The following KIF21A variants were observed in gnomAD, a reference collection of about 807,000 sequenced individuals.
KIF21A encodes the protein kinesin-like protein KIF21A.
KIF21A carries 114 observed loss-of-function variants against 202.9 expected under a neutral mutation model. The ratio of observed to expected loss-of-function variants is 0.56; its 90% CI spans 0.48 to 0.66. The LOEUF (loss-of-function observed/expected upper bound fraction) is 0.66, where lower values mean the gene tolerates loss of function less well. Ranked by LOEUF, KIF21A falls within the 30% of genes least tolerant of loss-of-function variation. KIF21A has a pLI of 0.00. For synonymous variants in KIF21A, 667 were observed against 670.8 expected (o/e 0.99, Z 0.09); for missense variants, 1,677 against 1,994.9 (o/e 0.84, Z 3.04).
At chr12:39,358,407 T>TA in intron 7 of KIF21A, 34 bp from the exon 8 acceptor site, 1 of 1,542,616 alleles carries the variant, frequency 6.5e-7, no homozygotes, top group Non-Finnish European at 9.0e-7. Context: ...GGCTTACACA[T>TA]AAAAGCACCT....
intron 1 of KIF21A, among the ~76,000 whole-genome samples, chr12:39,438,422 T>A (rs905447462): frequency 2.0e-5 from 3 of 152,310 alleles, no homozygotes; most frequent in Admixed American, 6.5e-5. Context: ...ACTCTTAATA[T>A]CTTTAGGTTG....
intron 1 of KIF21A, among the ~76,000 whole-genome samples, chr12:39,437,795 A>G (rs1031546297): frequency 3.3e-5 from 5 of 152,218 alleles, no homozygotes; most frequent in African/African-American, 1.2e-4. Flanking sequence ...ATAGGCACTT[A>G]AAGATTTGTT....
chr12:39,408,010 G>GA (rs539934126), intron 1 of KIF21A, among the ~76,000 whole-genome samples: 11 of 151,330 alleles, frequency 7.3e-5, no homozygotes, highest in African/African-American at 1.5e-4. Context: ...ACAGATAATG[G>GA]AAAAAAAATC....
chr12:39,387,057 T>C (rs1398024134), intron 1 of KIF21A, among the ~76,000 whole-genome samples: 1 of 150,350 alleles, frequency 6.7e-6, no homozygotes, highest in Non-Finnish European at 1.5e-5. Flanking sequence ...AATTTTTAGC[T>C]GGGGAAAAAA....
At chr12:39,316,109 T>A in intron 29 of KIF21A, 139 bp from the exon 30 acceptor site, 2 of 722,172 alleles carry the variant, frequency 2.8e-6, no homozygotes, top group Admixed American at 2.0e-5. Flanking sequence ...GCTTTTCTAC[T>A]TGCACTGGAT....
chr12:39,294,322 T>A lies in KIF21A; in HGVS notation c.*102A>T. On this transcript the variant is annotated 3_prime_UTR_variant, in exon 38 of 38. Coordinates refer to ENST00000361418, the MANE Select transcript of KIF21A (RefSeq NM_001173464.2). The stretch of plus-strand genomic sequence containing the variant: ...GAATTCAGATATATTTTCCAGTTAA[T>A]CCGATTCATACGTTTTGCCTAGTAA... 1 of 820,186 alleles carries A rather than the reference T, an allele frequency of 1.2e-6. No homozygotes were observed. Among genetic ancestry groups the A allele is most frequent in the South Asian group, 1.4e-5 (1 of 70,856 alleles). The allele number at this position is 820,186 out of a possible 1,614,324, so 50.8% of individuals were successfully genotyped here.
At chr12:39,402,602 C>T (rs1279414380) in intron 1 of KIF21A, among the ~76,000 whole-genome samples, 1 of 152,156 alleles carries the variant, frequency 6.6e-6, no homozygotes, top group Non-Finnish European at 1.5e-5. Context: ...CCTTTCTCCT[C>T]TACTTAGAAT....
rs1429201282 is a variant in KIF21A, at chr12:39,311,427, A to G, written c.4086T>C (p.Thr1362=). Residue 1362 remains threonine, a synonymous_variant, in exon 32 of 38, where the codon ACT becomes ACC. Coordinates refer to ENST00000361418, the MANE Select transcript of KIF21A (RefSeq NM_001173464.2). ...CVDSTDDLLF[T]GSKDRTCKVW... is the part of the protein sequence containing the mutation. ...GATAACTACTAGCACCTTTTGATCC[A>G]GTGAAGAGGAGATCATCAGTAGAAT... is the stretch of plus-strand genomic sequence containing the variant. 1 of 1,612,774 alleles carries G rather than the reference A, an allele frequency of 6.2e-7. No homozygotes were observed. The highest frequency in any genetic ancestry group is 1.7e-5 in the Admixed American group (1 of 59,968).
chr12:39,403,112 T>C (rs1952297997), intron 1 of KIF21A, among the ~76,000 whole-genome samples: 1 of 151,804 alleles, frequency 6.6e-6, no homozygotes, highest in African/African-American at 2.4e-5. Context: ...AAAATACACA[T>C]CAAAAACCTT....
intron 1 of KIF21A, among the ~76,000 whole-genome samples, chr12:39,381,371 G>C (rs1196059493): frequency 6.6e-6 from 1 of 150,810 alleles, no homozygotes; most frequent in African/African-American, 2.4e-5. Context: ...TATAATGATA[G>C]TAATACATCC....
At position 39,332,636 on chromosome 12, in the gene KIF21A, C is replaced by A. The variant is rs1421552176; in HGVS notation, c.2811G>T (p.Lys937Asn). The A allele has an allele frequency of 9.3e-6, 15 of 1,614,056 alleles. No homozygotes were observed. Among genetic ancestry groups the A allele is most frequent in the Non-Finnish European group, 1.2e-5 (14 of 1,179,986 alleles). ...ERRVTDIIMQ[K>N]MTISNMEADM... ...CTGCCTCCATGTTGGAAATGGTCAT[C>A]TTCTGCATGATGATGTCTGTGACCC... is the stretch of plus-strand genomic sequence containing the variant. The change falls in exon 20 of 38, where the codon AAG (lysine) becomes AAT (asparagine). Residue 937 changes from lysine to asparagine, a missense_variant. Physicochemically the swap from Lys to Asn is moderately conservative, Grantham distance 94. This residue lies in a region of KIF21A where 966 missense variants were observed against 1,180.9 expected (regional missense o/e 0.82). Coordinates refer to ENST00000361418, the MANE Select transcript of KIF21A (RefSeq NM_001173464.2).
intron 6 of KIF21A, among the ~76,000 whole-genome samples, chr12:39,363,700 T>C (rs1345794834): frequency 6.6e-6 from 1 of 152,254 alleles, no homozygotes; most frequent in Non-Finnish European, 1.5e-5. Context: ...GGTATTCCTA[T>C]GCAAGTATAT....
chr12:39,329,157 T>C (rs1489991876), intron 24 of KIF21A, among the ~76,000 whole-genome samples: 2 of 152,214 alleles, frequency 1.3e-5, no homozygotes, highest in Non-Finnish European at 2.9e-5. Context: ...TCTCATCTCA[T>C]GCTTTTTATT....
chr12:39,336,193 G>A (rs970643359), intron 17 of KIF21A, among the ~76,000 whole-genome samples: 4 of 151,726 alleles, frequency 2.6e-5, no homozygotes, highest in East Asian at 1.9e-4. Flanking sequence ...GTGCTGGCTG[G>A]GATTACAAGC....
chr12:39,413,399 C>G (rs1054222550), intron 1 of KIF21A, among the ~76,000 whole-genome samples: 1 of 152,166 alleles, frequency 6.6e-6, no homozygotes, highest in Non-Finnish European at 1.5e-5. Context: ...AACATCAACA[C>G]CTAATCCTTT....
At chr12:39,386,830 T>A (rs558022318) in intron 1 of KIF21A, among the ~76,000 whole-genome samples, 1 of 152,298 alleles carries the variant, frequency 6.6e-6, no homozygotes, top group Admixed American at 6.5e-5. Context: ...CAGGTTCTTC[T>A]ATATTCCTTA....
At position 39,442,792 on chromosome 12, in the gene KIF21A, TCCTCAGCCGCAGAACCCGGCCGGGACGCC is replaced by T. The variant is rs1939835030; in HGVS notation, c.44+106_44+134del. 1 of 1,134,112 alleles carries T rather than the reference TCCTCAGCCGCAGAACCCGGCCGGGACGCC, an allele frequency of 8.8e-7. No individual in the cohort carries two copies. The highest frequency in any genetic ancestry group is 2.2e-5 in the Admixed American group (1 of 45,910). 70.3% of individuals were successfully genotyped at this position (1,134,112 alleles called of 1,614,324 possible). ...CCAGCGGGGACTCACTGCCTCAGTT[TCCTCAGCCGCAGAACCCGGCCGGGACGCC>T]CCTCAGGTCGCTCCACCCCGGTAGC... On this transcript the variant is annotated intron_variant, in intron 1 of 37. Coordinates refer to ENST00000361418, the MANE Select transcript of KIF21A (RefSeq NM_001173464.2). This position sits in a 1 kb window ranked among gnomAD's most constrained non-coding sequence, Gnocchi z 5.0.
At chr12:39,413,367 GA>G (rs1240358308) in intron 1 of KIF21A, among the ~76,000 whole-genome samples, 1 of 152,034 alleles carries the variant, frequency 6.6e-6, no homozygotes, top group African/African-American at 2.4e-5. Context: ...CCTACCTATT[GA>G]ACGCTATCCC....
intron 5 of KIF21A, 104 bp from the exon 6 acceptor site, chr12:39,366,621 A>C: frequency 1.2e-6 from 1 of 822,722 alleles, no homozygotes; most frequent in Non-Finnish European, 1.9e-6. Context: ...GCACAACCAA[A>C]GAAACAGGCA....
Sources: gnomAD v4.1 joint callset for allele counts (sites outside exome capture counted in the v4.1 genomes callset) on GRCh38, gnomAD v4.1.1 for gene constraint, gnomAD v4.1.1 regional missense constraint, Gnocchi (gnomAD v3.1) non-coding constraint, MANE v1.5 for transcripts, NCBI Gene and HGNC (gene_info 2026-07-23, HGNC 2026-07-21) for gene names.